The following ECE1 variants were observed in gnomAD, a reference collection of about 807,000 sequenced individuals.
ECE1 encodes endothelin-converting enzyme 1.
Under a neutral mutation model 98.6 loss-of-function variants are expected in ECE1, and 35 were observed. That is an observed-to-expected ratio of 0.35 (90% CI 0.27 to 0.47). The LOEUF (loss-of-function observed/expected upper bound fraction) is 0.47, where lower values mean the gene tolerates loss of function less well. Ranked by LOEUF, ECE1 falls within the 20% of genes least tolerant of loss-of-function variation. The pLI is 1.00. For synonymous variants in ECE1, 394 were observed against 407.1 expected (o/e 0.97, Z 0.39); for missense variants, 814 against 1,025.3 (o/e 0.79, Z 2.81).
rs2098172875 is a variant in ECE1, at chr1:21,225,455, G to C, written c.1850-15C>G. 6.2e-7 allele frequency: 1 copy of C among 1,613,174 alleles called. No individual in the cohort carries two copies. Among genetic ancestry groups the C allele is most frequent in the African/African-American group, 1.3e-5 (1 of 74,902 alleles). ...ATACTCCCGTCCTGTGGGTCAGAGG[G>C]AGGCGTCATGTCAAGGGAGGGAGGG... On this transcript the variant is annotated splice_polypyrimidine_tract_variant and intron_variant, in intron 16 of 18. Coordinates refer to ENST00000374893, the MANE Select transcript of ECE1 (RefSeq NM_001397.3). The surrounding 1 kb of genome is among the most constrained non-coding windows in gnomAD (Gnocchi z 5.3).
intron 1 of ECE1, among the ~76,000 whole-genome samples, chr1:21,339,229 G>A (rs1639357460): frequency 6.6e-6 from 1 of 152,166 alleles, no homozygotes; most frequent in Non-Finnish European, 1.5e-5. Flanking sequence ...GGTGAATGGG[G>A]AAGAAAAGGT....
At position 21,345,396 on chromosome 1, in the gene ECE1, C is replaced by T; in HGVS notation, c.-18G>A. 1 of 1,337,766 alleles carries T rather than the reference C, an allele frequency of 7.5e-7. No individual in the cohort carries two copies. Among genetic ancestry groups the T allele is most frequent in the Non-Finnish European group, 9.7e-7 (1 of 1,034,036 alleles). 82.9% of individuals were successfully genotyped at this position (1,337,766 alleles called of 1,614,324 possible). A position where few individuals can be genotyped will look rare whatever the true frequency, so the allele number is the denominator to read the frequency against. On this transcript the variant is annotated 5_prime_UTR_variant, in exon 1 of 19. Transcript: ENST00000415912. The surrounding 1 kb of genome is among the most constrained non-coding windows in gnomAD (Gnocchi z 5.1). ...CTCACCATAGCTCGCGTGCTCCGCC[C>T]CGGCTTCGCGCAGCTCCCCGCGCCC...
Position 21,233,732 on chromosome 1 carries a change from A to G in ECE1, c.1567-71T>C, listed in dbSNP as rs762047751. 2 of 1,430,916 alleles carry G rather than the reference A, an allele frequency of 1.4e-6. No individual in the cohort carries two copies. Among genetic ancestry groups the G allele is most frequent in the Admixed American group, 1.8e-5 (1 of 56,792 alleles). The allele number at this position is 1,430,916 out of a possible 1,614,324, so 88.6% of individuals were successfully genotyped here. A position where few individuals can be genotyped will look rare whatever the true frequency, so the allele number is the denominator to read the frequency against. ...GTGCATCTTCCAAGACAGGAAGCCA[A>G]GGGCTGTCATGGTTAAGAGATTAAT... On this transcript the variant is annotated intron_variant, in intron 13 of 18. Coordinates refer to ENST00000374893, the MANE Select transcript of ECE1 (RefSeq NM_001397.3). The surrounding 1 kb of genome is among the most constrained non-coding windows in gnomAD (Gnocchi z 4.0).
chr1:21,223,829 CTCAAATGA>C (rs2098170412), intron 17 of ECE1, among the ~76,000 whole-genome samples: 2 of 151,506 alleles, frequency 1.3e-5, no homozygotes, highest in African/African-American at 4.9e-5. Flanking sequence ...AACTCCTGGC[CTCAAATGA>C]TCCGCCCACC....
intron 14 of ECE1, among the ~76,000 whole-genome samples, chr1:21,228,601 C>G (rs761169161): frequency 6.6e-6 from 1 of 151,748 alleles, no homozygotes; most frequent in Non-Finnish European, 1.5e-5. Context: ...GCCTGGCCAA[C>G]ACGGCAAAAC....
In ECE1 at chr1:21,290,362, AC is replaced by A. The variant is rs1342982063; in HGVS notation, c.51+1del. 1 of 1,224,638 alleles carries A rather than the reference AC, an allele frequency of 8.2e-7. No individual in the cohort carries two copies. Among genetic ancestry groups the A allele is most frequent in the East Asian group, 3.3e-5 (1 of 30,594 alleles). The allele number at this position is 1,224,638 out of a possible 1,614,324, so 75.9% of individuals were successfully genotyped here. A position where few individuals can be genotyped will look rare whatever the true frequency, so the allele number is the denominator to read the frequency against. On this transcript the variant is annotated splice_donor_variant, in intron 1 of 18. Transcript: ENST00000374893. LOFTEE classifies it high-confidence loss of function. The surrounding 1 kb of genome is among the most constrained non-coding windows in gnomAD (Gnocchi z 7.3). ...CCGCCCTCCAGGCCGCGCCCGCCTC[AC>A]CCCCAGCGCCGACAGCAGGGCGGAC...
intron 1 of ECE1, among the ~76,000 whole-genome samples, chr1:21,309,820 C>A (rs944463586): frequency 2.3e-4 from 30 of 131,064 alleles, no homozygotes; most frequent in African/African-American, 8.1e-4. Flanking sequence ...GAGACGGAGT[C>A]TCGCTCTGTC....
chr1:21,314,549 C>T (rs1023128426), intron 1 of ECE1, among the ~76,000 whole-genome samples: 3 of 152,242 alleles, frequency 2.0e-5, no homozygotes, highest in African/African-American at 7.2e-5. Context: ...GGTATGTCCC[C>T]AGCCCCTTGC....
At chr1:21,272,416 C>T (rs1250418538) in intron 4 of ECE1, among the ~76,000 whole-genome samples, 1 of 152,170 alleles carries the variant, frequency 6.6e-6, no homozygotes, top group Admixed American at 6.5e-5. Context: ...CTCAGCCTCC[C>T]GAGTAGTTGG....
intron 1 of ECE1, among the ~76,000 whole-genome samples, chr1:21,326,645 C>T (rs1396432215): frequency 6.6e-6 from 1 of 152,008 alleles, no homozygotes; most frequent in African/African-American, 2.4e-5. Flanking sequence ...TGGTTTGGAG[C>T]AGCGTAGGGA....
chr1:21,289,136 C>A (rs2098263717), intron 2 of ECE1, among the ~76,000 whole-genome samples: 1 of 152,214 alleles, frequency 6.6e-6, no homozygotes, highest in South Asian at 2.1e-4. Context: ...TGTGCCAGTT[C>A]ACCAAGTGGC....
At chr1:21,242,318 G>A (rs2098197483) in intron 10 of ECE1, among the ~76,000 whole-genome samples, 1 of 152,184 alleles carries the variant, frequency 6.6e-6, no homozygotes, top group Admixed American at 6.5e-5. Context: ...CTGCCAGGAT[G>A]AACAAACGCA....
chr1:21,300,812 T>C (rs1033440071), intron 1 of ECE1, among the ~76,000 whole-genome samples: 12 of 152,102 alleles, frequency 7.9e-5, no homozygotes, highest in African/African-American at 2.9e-4. Context: ...CCAGACTACA[T>C]AGGTTCAAGT....
intron 5 of ECE1, among the ~76,000 whole-genome samples, chr1:21,259,454 T>C (rs976493654): frequency 6.6e-6 from 1 of 152,054 alleles, no homozygotes; most frequent in South Asian, 2.1e-4. Context: ...TTTTTGGAGA[T>C]GGGGTCTTGC....
chr1:21,342,269 T>C (rs1639413382), intron 1 of ECE1, among the ~76,000 whole-genome samples: 1 of 152,162 alleles, frequency 6.6e-6, no homozygotes, highest in Non-Finnish European at 1.5e-5. Flanking sequence ...TTCCCCCAAC[T>C]GTCTGCCAGG....
At chr1:21,257,416 G>A (rs1403519769) in intron 7 of ECE1, 109 bp downstream of exon 7, 1 of 1,255,424 alleles carries the variant, frequency 8.0e-7, no homozygotes, top group Non-Finnish European at 1.1e-6. Context: ...TCAGGTCACT[G>A]ACACCCCTGG....
chr1:21,288,815 C>T (rs1347286974), intron 2 of ECE1, among the ~76,000 whole-genome samples: 4 of 152,142 alleles, frequency 2.6e-5, no homozygotes, highest in African/African-American at 4.8e-5. Flanking sequence ...ATTTTTAGCT[C>T]GGTGACCGAA....
In ECE1 at chr1:21,260,519, A is replaced by G; in HGVS notation, c.494-127T>C. On this transcript the variant is annotated intron_variant, in intron 4 of 18. Coordinates refer to ENST00000374893, the MANE Select transcript of ECE1 (RefSeq NM_001397.3). The surrounding 1 kb of genome is among the most constrained non-coding windows in gnomAD (Gnocchi z 4.3). ...AGGAGCTCTGACATCTGCCTGTCGG[A>G]GTGGCAGTGAGGAATGCCGTCACCG... is the stretch of plus-strand genomic sequence containing the variant. The G allele has an allele frequency of 8.1e-7, 1 of 1,228,188 alleles. No individual in the cohort carries two copies. Among genetic ancestry groups the G allele is most frequent in the Non-Finnish European group, 1.2e-6 (1 of 843,636 alleles). The allele number at this position is 1,228,188 out of a possible 1,614,324, so 76.1% of individuals were successfully genotyped here. A position where few individuals can be genotyped will look rare whatever the true frequency, so the allele number is the denominator to read the frequency against.
intron 1 of ECE1, among the ~76,000 whole-genome samples, chr1:21,303,135 T>C (rs1349315696): frequency 1.3e-5 from 2 of 152,176 alleles, no homozygotes; most frequent in Admixed American, 6.5e-5. Flanking sequence ...CACCAACTGA[T>C]AGCCAAGGTG....
Sources: gnomAD v4.1 joint callset for allele counts (sites outside exome capture counted in the v4.1 genomes callset) on GRCh38, gnomAD v4.1.1 for gene constraint, Gnocchi (gnomAD v3.1) non-coding constraint, MANE v1.5 for transcripts, NCBI Gene and HGNC (gene_info 2026-07-23, HGNC 2026-07-21) for gene names.